Variants in SGIP1 observed in about 807,000 individuals in gnomAD.
SGIP1 encodes the protein SH3GL interacting endocytic adaptor 1.
Under a neutral mutation model 107.5 loss-of-function variants are expected in SGIP1, and 38 were observed. The ratio of observed to expected loss-of-function variants is 0.35; its 90% CI spans 0.27 to 0.46. The LOEUF is 0.46. SGIP1 is among the 20% of genes least tolerant of loss of function. SGIP1 has a pLI of 1.00. For synonymous variants in SGIP1, 365 were observed against 366.1 expected, an observed-to-expected ratio of 1.00 and a Z score of 0.03; for missense variants, 929 against 1,019.5, an observed-to-expected ratio of 0.91 and a Z score of 1.21.
At chr1:66,682,635 T>C (rs923569257) in intron 15 of SGIP1, among the ~76,000 whole-genome samples, 26 of 152,142 alleles carry the variant, frequency 1.7e-4, no homozygotes, top group African/African-American at 6.3e-4. Flanking sequence ...TCTTGATTTC[T>C]AAAACAAAGC....
intron 1 of SGIP1, among the ~76,000 whole-genome samples, chr1:66,570,100 G>C (rs907908069): frequency 6.6e-6 from 1 of 151,614 alleles, no homozygotes; most frequent in Non-Finnish European, 1.5e-5. Flanking sequence ...AGTAATTTAC[G>C]ATGTCTCTCT....
chr1:66,586,361 C>A (rs1012466351), intron 1 of SGIP1, among the ~76,000 whole-genome samples: 1 of 152,104 alleles, frequency 6.6e-6, no homozygotes, highest in Non-Finnish European at 1.5e-5. Flanking sequence ...TAGAGTTTAA[C>A]TATGGCAATT....
intron 1 of SGIP1, among the ~76,000 whole-genome samples, chr1:66,566,241 A>G (rs7547866): frequency 0.49 from 74,788 of 151,712 alleles, 19,108 homozygotes; most frequent in South Asian, 0.78. Flanking sequence ...TATTTGCATT[A>G]TAAGATCTTT....
intron 1 of SGIP1, among the ~76,000 whole-genome samples, chr1:66,536,569 A>G (rs1570948463): frequency 2.0e-5 from 3 of 152,316 alleles, no homozygotes; most frequent in South Asian, 2.1e-4. Flanking sequence ...GGTGTGGTAT[A>G]TAATTATTAT....
At chr1:66,703,100 A>C (rs898193274) in intron 18 of SGIP1, among the ~76,000 whole-genome samples, 1 of 152,194 alleles carries the variant, frequency 6.6e-6, no homozygotes, top group African/African-American at 2.4e-5. Flanking sequence ...AAGAATATTC[A>C]CTCATTTATT....
At chr1:66,661,339 C>A (rs1158909993) in intron 8 of SGIP1, among the ~76,000 whole-genome samples, 1 of 152,182 alleles carries the variant, frequency 6.6e-6, no homozygotes, top group Non-Finnish European at 1.5e-5. Flanking sequence ...GTTGTTAACG[C>A]ACCTAGGTGG....
intron 18 of SGIP1, among the ~76,000 whole-genome samples, chr1:66,709,263 A>T (rs2092746099): frequency 7.6e-6 from 1 of 132,008 alleles, no homozygotes; most frequent in Non-Finnish European, 1.5e-5. Flanking sequence ...TGACTTTCTT[A>T]AGTACACTTT....
At chr1:66,577,517 T>C (rs1434924750) in intron 1 of SGIP1, among the ~76,000 whole-genome samples, 1 of 152,212 alleles carries the variant, frequency 6.6e-6, no homozygotes, top group Admixed American at 6.5e-5. Flanking sequence ...CCTGGTCTCA[T>C]GTAAATGAAG....
chr1:66,632,047 C>T (rs996171868), intron 2 of SGIP1, among the ~76,000 whole-genome samples: 2 of 152,164 alleles, frequency 1.3e-5, no homozygotes, highest in Non-Finnish European at 2.9e-5. Flanking sequence ...TCCAGTGTGG[C>T]TGTAAGTGGG....
intron 7 of SGIP1, among the ~76,000 whole-genome samples, chr1:66,647,526 G>T (rs1325274641): frequency 2.0e-5 from 3 of 152,100 alleles, no homozygotes; most frequent in Admixed American, 6.5e-5. Flanking sequence ...TTCTTCCACT[G>T]GGTCCTGAAT....
At chr1:66,660,193 A>AAG (rs759154558) in intron 7 of SGIP1, 2 of 212,610 alleles carry the variant, frequency 9.4e-6, no homozygotes, top group Non-Finnish European at 1.6e-5. Flanking sequence ...GAAAGAAAGA[A>AAG]AGAAAGAAAG....
chr1:66,594,987 G>T (rs973702492), intron 1 of SGIP1, among the ~76,000 whole-genome samples: 3 of 152,178 alleles, frequency 2.0e-5, no homozygotes, highest in African/African-American at 7.2e-5. Flanking sequence ...TGTGGAGTCA[G>T]ACTAAAATGG....
chr1:66,695,226 G>T (rs1259430745), intron 17 of SGIP1: 2 of 1,030,086 alleles, frequency 1.9e-6, no homozygotes, highest in Non-Finnish European at 2.6e-6. Flanking sequence ...GGCCTCCATA[G>T]CTTTGCTTTT....
chr1:66,736,218 A>G (rs565377700), intron 21 of SGIP1, among the ~76,000 whole-genome samples: 1 of 145,910 alleles, frequency 6.9e-6, no homozygotes, highest in East Asian at 2.0e-4. Flanking sequence ...ATAAATATTT[A>G]TACAAATATT....
Position 66,733,797 on chromosome 1 carries a change from C to A in SGIP1, c.1948C>A (p.Pro650Thr), listed in dbSNP as rs376135937. 1.9e-6 allele frequency: 3 copies of A among 1,613,198 alleles called. No individual in the cohort carries two copies. The highest frequency in any genetic ancestry group is 1.3e-5 in the African/African-American group (1 of 74,852). Reference sequence around the variant, plus strand: ...TACCAAGGAATTCTGGGTAAACATGCCAAATTTGATGACTCACCTAAAGAA... The same window carrying A: ...TACCAAGGAATTCTGGGTAAACATGACAAATTTGATGACTCACCTAAAGAA... ...ANTKEFWVNM[P>T]NLMTHLKKVS... The change falls in exon 21 of 25, where the codon CCA (proline) becomes ACA (threonine). Residue 650 changes from proline (P) to threonine (T), a missense_variant. Around this residue, in one of 2 missense-constraint regions of SGIP1, gnomAD observed 341 missense variants for 430.9 expected, o/e 0.79. Transcript: ENST00000371037.
chr1:66,656,029 T>A (rs916419776), intron 7 of SGIP1, among the ~76,000 whole-genome samples: 2 of 152,074 alleles, frequency 1.3e-5, no homozygotes, highest in African/African-American at 4.8e-5. Context: ...TCTTTCTTTG[T>A]AGTATTTAAG....
chr1:66,597,547 T>C (rs1570342941), intron 1 of SGIP1, among the ~76,000 whole-genome samples: 1 of 152,222 alleles, frequency 6.6e-6, no homozygotes, highest in Non-Finnish European at 1.5e-5. Flanking sequence ...GCAGCAAGTA[T>C]GTTTCCACTT....
At chr1:66,694,191 C>T (rs1008341715) in intron 17 of SGIP1, among the ~76,000 whole-genome samples, 10 of 147,724 alleles carry the variant, frequency 6.8e-5, no homozygotes, top group Non-Finnish European at 1.0e-4. Context: ...TGACTTCAGA[C>T]AAATTCACAG....
intron 21 of SGIP1, among the ~76,000 whole-genome samples, chr1:66,738,036 A>G (rs116378187): frequency 4.0e-3 from 602 of 152,280 alleles, no homozygotes; most frequent in Non-Finnish European, 6.7e-3. Flanking sequence ...GAGTCCAGAA[A>G]AAGGGGTGGG....
Sources: gnomAD v4.1 joint callset for allele counts (sites outside exome capture counted in the v4.1 genomes callset) on GRCh38, gnomAD v4.1.1 for gene constraint, gnomAD v4.1.1 regional missense constraint, MANE v1.5 for transcripts, NCBI Gene and HGNC (gene_info 2026-07-23, HGNC 2026-07-21) for gene names.